PDE3B: variants seen among roughly 807,000 people sequenced by gnomAD.
PDE3B encodes the protein phosphodiesterase 3B, also known as cGMP-inhibited 3',5'-cyclic phosphodiesterase 3B.
A neutral mutation model predicts 116.8 loss-of-function variants in PDE3B; 66 were observed. The ratio of observed to expected loss-of-function variants is 0.56; its 90% CI spans 0.46 to 0.69. The LOEUF (loss-of-function observed/expected upper bound fraction) is 0.69, where lower values mean the gene tolerates loss of function less well. PDE3B is among the 30% of genes least tolerant of loss of function. The pLI, the probability that PDE3B is intolerant of heterozygous loss-of-function variation, is 0.00. For missense variants in PDE3B, 1,384 were observed against 1,368.1 expected, an observed-to-expected ratio of 1.01 and a Z score of -0.18; for synonymous variants, 595 against 533.6, an observed-to-expected ratio of 1.12 and a Z score of -1.59.
chr11:14,667,175 A>G (rs1854185967), intron 1 of PDE3B, among the ~76,000 whole-genome samples: 1 of 151,732 alleles, frequency 6.6e-6, no homozygotes. Context: ...CCAGTAAACT[A>G]TCGCAAGGAC....
At chr11:14,791,464 G>A (rs1296927396) in intron 4 of PDE3B, among the ~76,000 whole-genome samples, 1 of 152,076 alleles carries the variant, frequency 6.6e-6, no homozygotes, top group Non-Finnish European at 1.5e-5. Flanking sequence ...CTCTAGTGGA[G>A]TGGTTGCTTA....
intron 1 of PDE3B, among the ~76,000 whole-genome samples, chr11:14,724,955 A>G (rs964401747): frequency 6.6e-6 from 1 of 152,234 alleles, no homozygotes; most frequent in Non-Finnish European, 1.5e-5. Flanking sequence ...GATAGTCAAG[A>G]TCTTTGCTGT....
At chr11:14,807,017 A>C (rs776341033) in intron 5 of PDE3B, among the ~76,000 whole-genome samples, 50 of 152,178 alleles carry the variant, frequency 3.3e-4, no homozygotes, top group Non-Finnish European at 5.4e-4. Context: ...ACAGAAAACT[A>C]AACACCGCAT....
At chr11:14,772,166 T>A in intron 2 of PDE3B, 179 bp downstream of exon 2, 1 of 333,108 alleles carries the variant, frequency 3.0e-6, no homozygotes, top group South Asian at 8.1e-5. Context: ...TTTTTAAAAA[T>A]ATATTTTAAT....
At position 14,783,876 on chromosome 11, in the gene PDE3B, T is replaced by C. The variant is rs147502941; in HGVS notation, c.1030-2561T>C. ...AAAAGGAAGTTCTTTAAACCAGGCG[T>C]CACCAACCAGTACCGGTCTGTGGCC... is the stretch of plus-strand genomic sequence containing the variant. On this transcript the variant is annotated intron_variant, in intron 2 of 15. Coordinates refer to ENST00000282096, the MANE Select transcript of PDE3B (RefSeq NM_000922.4). Among the ~76,000 whole-genome samples the C allele has an allele frequency of 1.9e-3, 291 of 152,288 alleles. 1 individual carries two copies. The highest frequency in any genetic ancestry group is 6.4e-3 in the African/African-American group (267 of 41,578).
At chr11:14,820,834 C>T (rs958262906) in intron 7 of PDE3B, among the ~76,000 whole-genome samples, 6 of 152,188 alleles carry the variant, frequency 3.9e-5, no homozygotes, top group South Asian at 2.1e-4. Context: ...TGATATCAGA[C>T]GTCCAGCTTC....
At chr11:14,887,402 AATTTTT>A in the PDE3B span, 1 of 167,312 alleles carries the variant, frequency 6.0e-6, no homozygotes, top group African/African-American at 2.4e-5. Context: ...GAACTGGAGA[AATTTTT>A]ACTTGAACTA....
downstream of PDE3B, among the ~76,000 whole-genome samples, chr11:14,875,249 C>T (rs1848179042): frequency 1.3e-5 from 2 of 152,148 alleles, 1 homozygote; most frequent in African/African-American, 4.8e-5. Context: ...GGGCTCCCAT[C>T]TCCACCTGTG....
At position 14,682,165 on chromosome 11, in the gene PDE3B, C is replaced by T. The variant is rs192416605; in HGVS notation, c.978+37112C>T. ...CTTCACATTGAGTAGGTTGGGGAGG[C>T]GGAGGAAGAGGAACAGTTAGTCTGT... On this transcript the variant is annotated intron_variant, in intron 1 of 15. Transcript: ENST00000282096. 2.4e-3 allele frequency among the ~76,000 whole-genome samples: 359 copies of T among 151,954 alleles called. 1 individual carries two copies. Among genetic ancestry groups the T allele is most frequent in the African/African-American group, 8.1e-3 (337 of 41,426 alleles).
chr11:14,859,274 T>A, intron 13 of PDE3B, 28 bp downstream of exon 13: 1 of 1,499,042 alleles, frequency 6.7e-7, no homozygotes, highest in Non-Finnish European at 9.2e-7. Context: ...GTGCCTGATT[T>A]AAAAAATCTT....
At chr11:14,694,233 A>G (rs1167082431) in intron 1 of PDE3B, among the ~76,000 whole-genome samples, 2 of 152,276 alleles carry the variant, frequency 1.3e-5, no homozygotes, top group Non-Finnish European at 2.9e-5. Context: ...TGAAATGACA[A>G]CAATGGGTTT....
intron 1 of PDE3B, among the ~76,000 whole-genome samples, chr11:14,645,301 A>G (rs1439489738): frequency 6.6e-6 from 1 of 152,100 alleles, no homozygotes; most frequent in Middle Eastern, 3.2e-3. Flanking sequence ...CCCGCTAATC[A>G]CATGGCACTT....
chr11:14,894,524 A>G, the PDE3B span, among the ~76,000 whole-genome samples: 4 of 152,196 alleles, frequency 2.6e-5, no homozygotes, highest in Non-Finnish European at 5.9e-5. Context: ...TTTCATTACA[A>G]AAATATCCTC....
chr11:14,754,198 T>C (rs568157607), intron 1 of PDE3B, among the ~76,000 whole-genome samples: 1 of 152,228 alleles, frequency 6.6e-6, no homozygotes, highest in African/African-American at 2.4e-5. Flanking sequence ...GAGTTACATG[T>C]ATATTTATGG....
intron 5 of PDE3B, among the ~76,000 whole-genome samples, chr11:14,812,600 A>T (rs2133944077): frequency 6.6e-6 from 1 of 152,324 alleles, no homozygotes; most frequent in Non-Finnish European, 1.5e-5. Context: ...CATGACACTG[A>T]TACAAAAAGA....
chr11:14,674,019 T>C (rs1854456373), intron 1 of PDE3B: 2 of 1,451,504 alleles, frequency 1.4e-6, no homozygotes, highest in Admixed American at 3.4e-5. Flanking sequence ...AAAAGAGCTG[T>C]TTTCGTCTGG....
At chr11:14,677,885 T>G (rs985348569) in intron 1 of PDE3B, among the ~76,000 whole-genome samples, 9 of 152,212 alleles carry the variant, frequency 5.9e-5, no homozygotes, top group Non-Finnish European at 1.3e-4. Flanking sequence ...TATTGTTAAG[T>G]AGTAGTCCAT....
At chr11:14,864,726 A>G (rs1210035660) in intron 14 of PDE3B, among the ~76,000 whole-genome samples, 1 of 152,184 alleles carries the variant, frequency 6.6e-6, no homozygotes, top group Non-Finnish European at 1.5e-5. Flanking sequence ...ATTAAGGCAC[A>G]ATGACATGGA....
chr11:14,885,747 A>T, the PDE3B span: 15 of 1,607,196 alleles, frequency 9.3e-6, no homozygotes, highest in Admixed American at 1.0e-4. Context: ...TATCTTAGTA[A>T]ATCACTAAAT....
Sources: gnomAD v4.1 joint callset for allele counts (sites outside exome capture counted in the v4.1 genomes callset) on GRCh38, gnomAD v4.1.1 for gene constraint, MANE v1.5 for transcripts, NCBI Gene and HGNC (gene_info 2026-07-23, HGNC 2026-07-21) for gene names.